Variants in FAXC observed in about 807,000 individuals in gnomAD.
The protein encoded by FAXC is failed axon connections homolog.
Under a neutral mutation model 41.9 loss-of-function variants are expected in FAXC, and 10 were observed. The observed-to-expected ratio is 0.24, with a 90% CI of 0.15 to 0.41. The LOEUF is 0.41. Among genes scored for constraint, FAXC ranks in the 10% least tolerant of loss-of-function variants. The probability of loss-of-function intolerance (pLI) is 1.00; values close to 1 mark genes in which losing one functional copy is unlikely to be tolerated. For missense variants in FAXC, 399 were observed against 510.9 expected, an observed-to-expected ratio of 0.78 and a Z score of 2.11; for synonymous variants, 183 against 183.8, an observed-to-expected ratio of 1.00 and a Z score of 0.03.
In FAXC at chr6:99,342,925, A is replaced by G. The variant is rs764679376; in HGVS notation, c.375T>C (p.Tyr125=). The change falls in exon 2 of 6, where the codon TAT becomes TAC. Residue 125 remains tyrosine, a synonymous_variant. Transcript: ENST00000389677. ...LSPFCLKMET[Y]LRMADLPYQN... is the part of the protein sequence containing the mutation. ...GATACGGTAAGTCAGCCATCCTTAA[A>G]TAAGTTTCCATCTTTAAACAGAAAG... 4 of 1,608,732 alleles carry G rather than the reference A, an allele frequency of 2.5e-6. No individual in the cohort carries two copies. Among genetic ancestry groups the G allele is most frequent in the South Asian group, 1.1e-5 (1 of 89,518 alleles).
rs535273867 is a variant in FAXC at position 99,305,930 on chromosome 6, G to A, written c.824-14110C>T. ...GAACAGACAAGGTCACTGCTCTCAC[G>A]GAGTTTACATCACATGAAGAGACAA... On this transcript the variant is annotated intron_variant, in intron 4 of 5. Transcript: ENST00000389677. Among the ~76,000 whole-genome samples the A allele has an allele frequency of 1.6e-4, 24 of 152,124 alleles. No individual in the cohort carries two copies. In the South Asian group the frequency reaches 2.5e-3, roughly 16 times the overall value.
At chr6:99,295,351 T>G (rs553518748) in intron 4 of FAXC, among the ~76,000 whole-genome samples, 3 of 152,328 alleles carry the variant, frequency 2.0e-5, no homozygotes, top group African/African-American at 7.2e-5. Context: ...TTTACAGAAA[T>G]GTTGCAAAAA....
At chr6:99,296,409 C>G (rs773362303) in intron 4 of FAXC, among the ~76,000 whole-genome samples, 1 of 152,094 alleles carries the variant, frequency 6.6e-6, no homozygotes, top group Non-Finnish European at 1.5e-5. Flanking sequence ...ATAGGATGGA[C>G]AGAAGCAGCT....
chr6:99,284,635 G>A (rs968854538), intron 5 of FAXC, among the ~76,000 whole-genome samples: 6 of 151,072 alleles, frequency 4.0e-5, no homozygotes, highest in Non-Finnish European at 5.9e-5. Flanking sequence ...TATACAGGCC[G>A]GGCACACTGG....
chr6:99,317,954 TGGTATAGAATATTTAAAAATAG>T (rs72558214), intron 4 of FAXC, among the ~76,000 whole-genome samples: 54,459 of 151,594 alleles, frequency 0.36, 10,480 homozygotes, highest in Middle Eastern at 0.46. Flanking sequence ...CAGAATCACA[TGGTATAGAATATTTAAAAATAG>T]GGCTGGGCGC....
At chr6:99,333,271 C>T (rs1398638810) in intron 3 of FAXC, 80 bp downstream of exon 3, 21 of 1,220,406 alleles carry the variant, frequency 1.7e-5, no homozygotes, top group African/African-American at 6.1e-5. Flanking sequence ...ACTGCTGAAA[C>T]GGTGGAAAGA....
At chr6:99,289,719 GTATA>G (rs756233571) in intron 5 of FAXC, among the ~76,000 whole-genome samples, 6 of 124,860 alleles carry the variant, frequency 4.8e-5, no homozygotes, top group African/African-American at 1.9e-4. Flanking sequence ...GTGTGTGTGT[GTATA>G]TATATATATA....
intron 2 of FAXC, among the ~76,000 whole-genome samples, chr6:99,337,882 T>C (rs1773271954): frequency 6.6e-6 from 1 of 152,212 alleles, no homozygotes; most frequent in South Asian, 2.1e-4. Flanking sequence ...CAAGAGCTTC[T>C]AATATAAAGT....
chr6:99,330,022 C>T (rs972942749), intron 3 of FAXC, among the ~76,000 whole-genome samples: 1 of 151,254 alleles, frequency 6.6e-6, no homozygotes, highest in African/African-American at 2.4e-5. Flanking sequence ...CCTCAGTCGC[C>T]ACCACACCTG....
chr6:99,335,320 T>C (rs1773177607), intron 2 of FAXC, among the ~76,000 whole-genome samples: 1 of 152,272 alleles, frequency 6.6e-6, no homozygotes, highest in Non-Finnish European at 1.5e-5. Flanking sequence ...AAATAATAGT[T>C]TCTTTTTATT....
chr6:99,299,797 G>A (rs1182061563), intron 4 of FAXC, among the ~76,000 whole-genome samples: 1 of 152,026 alleles, frequency 6.6e-6, no homozygotes, highest in Non-Finnish European at 1.5e-5. Flanking sequence ...CACTTTGTCA[G>A]AAATAATATG....
At chr6:99,333,319 G>C in intron 3 of FAXC, 32 bp downstream of exon 3, 1 of 1,535,922 alleles carries the variant, frequency 6.5e-7, no homozygotes, top group Non-Finnish European at 8.8e-7. Flanking sequence ...GGCTTACTTC[G>C]AAAGGACGGG....
At chr6:99,312,968 C>T (rs996491241) in intron 4 of FAXC, among the ~76,000 whole-genome samples, 1 of 152,134 alleles carries the variant, frequency 6.6e-6, no homozygotes, top group Non-Finnish European at 1.5e-5. Context: ...CAGAGAAGTG[C>T]CTCATTTTTT....
intron 1 of FAXC, among the ~76,000 whole-genome samples, chr6:99,346,015 G>T (rs1773576820): frequency 6.6e-6 from 1 of 152,190 alleles, no homozygotes; most frequent in African/African-American, 2.4e-5. Flanking sequence ...TAGAGACACA[G>T]TCATAGATTA....
rs1770419848 is a variant in FAXC, at chr6:99,272,052, T to C, written c.*9112A>G. Reference sequence around the variant, plus strand: ...TGAGCATATCATGGCCATATTACCATATGCCAGTTTATCATCCCAAACGTC... The same window carrying C: ...TGAGCATATCATGGCCATATTACCACATGCCAGTTTATCATCCCAAACGTC... On this transcript the variant is annotated 3_prime_UTR_variant, in exon 6 of 6. Transcript: ENST00000389677. The C allele has an allele frequency of 6.6e-6, 1 of 152,134 alleles. No individual in the cohort carries two copies. 9.4% of individuals were successfully genotyped at this position (152,134 alleles called of 1,614,324 possible). A position where few individuals can be genotyped will look rare whatever the true frequency, so the allele number is the denominator to read the frequency against.
In FAXC at chr6:99,274,679, C is replaced by A. The variant is rs937781421; in HGVS notation, c.*6485G>T. On this transcript the variant is annotated 3_prime_UTR_variant, in exon 6 of 6. Coordinates refer to ENST00000389677, the MANE Select transcript of FAXC (RefSeq NM_032511.4). ...ATTTTGACAGGAGTAACATTAAAAT[C>A]ATTTTACAGGAGTAAACATGTCACC... 6.6e-6 allele frequency: 1 copy of A among 152,214 alleles called. No homozygotes were observed. The highest frequency in any genetic ancestry group is 2.4e-5 in the African/African-American group (1 of 41,464). The allele number at this position is 152,214 out of a possible 1,614,324, so 9.4% of individuals were successfully genotyped here.
At chr6:99,288,921 C>T (rs1771127920) in intron 5 of FAXC, among the ~76,000 whole-genome samples, 1 of 151,722 alleles carries the variant, frequency 6.6e-6, no homozygotes. Flanking sequence ...CACCCATCTA[C>T]ATGACCACCA....
chr6:99,340,416 T>C (rs1773382692), intron 2 of FAXC, among the ~76,000 whole-genome samples: 1 of 151,936 alleles, frequency 6.6e-6, no homozygotes, highest in Admixed American at 6.6e-5. Context: ...TTTTAAAATA[T>C]AGAAGGAAAA....
At chr6:99,314,691 T>C (rs1191670862) in intron 4 of FAXC, among the ~76,000 whole-genome samples, 1 of 152,180 alleles carries the variant, frequency 6.6e-6, no homozygotes, top group Non-Finnish European at 1.5e-5. Context: ...TTTATTTATG[T>C]TACACATAAG....
Sources: allele counts gnomAD v4.1 joint callset (sites outside exome capture counted in the v4.1 genomes callset), GRCh38; gene constraint gnomAD v4.1.1; transcripts MANE v1.5; gene names NCBI Gene and HGNC (gene_info 2026-07-23, HGNC 2026-07-21).